The following PCDHGA2 variants were observed in gnomAD, a reference collection of about 807,000 sequenced individuals.
PCDHGA2 encodes the protein protocadherin gamma subfamily A, 2.
PCDHGA2 carries 40 observed loss-of-function variants against 59.2 expected under a neutral mutation model. The observed-to-expected ratio is 0.68, with a 90% CI of 0.52 to 0.88. The LOEUF is 0.88. PCDHGA2 is among the 40% of genes least tolerant of loss of function. The probability of loss-of-function intolerance (pLI) is 0.00; values close to 1 mark genes in which losing one functional copy is unlikely to be tolerated. For missense variants in PCDHGA2, 1,226 were observed against 1,204.0 expected, an observed-to-expected ratio of 1.02 and a Z score of -0.27; for synonymous variants, 560 against 526.0, an observed-to-expected ratio of 1.06 and a Z score of -0.89.
At chr5:141,383,857 C>T (rs1779530315) in intron 1 of PCDHGA2, 2 of 1,613,810 alleles carry the variant, frequency 1.2e-6, no homozygotes, top group Non-Finnish European at 1.7e-6. Context: ...AATGGAGGTT[C>T]AGGCTCAAGA....
chr5:141,508,183 A>G (rs1596134418), intron 3 of PCDHGA2: 1 of 152,336 alleles, frequency 6.6e-6, no homozygotes, highest in African/African-American at 2.4e-5. Context: ...GAGAGAAGGC[A>G]TCACCCCCAC....
At chr5:141,378,354 C>T (rs994186879) in intron 1 of PCDHGA2, 5 of 152,210 alleles carry the variant, frequency 3.3e-5, no homozygotes, top group African/African-American at 1.2e-4. Flanking sequence ...GAAACCCCGT[C>T]TCTACTAAAA....
rs1190624035 is a variant in PCDHGA2, at chr5:141,432,332, T to G, written c.2425-62475T>G. ...GCTGAGCTCCTTCGACTACGAGCAG[T>G]TCCGAGACTTGCAAGTGAAAGTGAT... On this transcript the variant is annotated intron_variant, in intron 1 of 3. Coordinates refer to ENST00000394576, the MANE Select transcript of PCDHGA2 (RefSeq NM_018915.4). The surrounding 1 kb of genome is among the most constrained non-coding windows in gnomAD (Gnocchi z 6.0). The G allele has an allele frequency of 2.5e-6, 4 of 1,614,116 alleles. No homozygotes were observed. In the African/African-American group the frequency reaches 5.3e-5, roughly 22 times the overall value.
intron 1 of PCDHGA2, chr5:141,400,256 G>A (rs756430299): frequency 9.9e-6 from 16 of 1,613,986 alleles, no homozygotes; most frequent in Admixed American, 1.7e-5. Context: ...GTTGCCTTGC[G>A]CCTGCGACGC....
intron 1 of PCDHGA2, chr5:141,393,798 G>C (rs1228076034): frequency 1.2e-6 from 2 of 1,613,876 alleles, no homozygotes; most frequent in Non-Finnish European, 1.7e-6. Flanking sequence ...GGCACTTCTG[G>C]GGAGGACCAA....
At chr5:141,372,234 C>A in intron 1 of PCDHGA2, 1 of 1,613,350 alleles carries the variant, frequency 6.2e-7, no homozygotes. Context: ...GGCCAGCGAG[C>A]CCGGGCTGTT....
chr5:141,370,790 CT>C (rs776090899), intron 1 of PCDHGA2: 1 of 1,614,038 alleles, frequency 6.2e-7, no homozygotes, highest in East Asian at 2.2e-5. Context: ...ACCCACCGAC[CT>C]TTAGCCAAAA....
chr5:141,465,800 C>T (rs1486100601), intron 1 of PCDHGA2, among the ~76,000 whole-genome samples: 1 of 151,524 alleles, frequency 6.6e-6, no homozygotes, highest in African/African-American at 2.4e-5. Flanking sequence ...TTTAAGAAAC[C>T]CTTCAGGATC....
intron 1 of PCDHGA2, chr5:141,423,074 G>T (rs2096705802): frequency 6.2e-7 from 1 of 1,614,006 alleles, no homozygotes; most frequent in African/African-American, 1.3e-5. Flanking sequence ...AGCGAGCCGG[G>T]ACTCTTCGCG....
chr5:141,443,274 A>G (rs1259320198), intron 1 of PCDHGA2, among the ~76,000 whole-genome samples: 12 of 151,534 alleles, frequency 7.9e-5, no homozygotes, highest in African/African-American at 1.7e-4. Context: ...TGAGCCCAGG[A>G]GTTTGAGACC....
At chr5:141,437,205 A>G (rs1561884114) in intron 1 of PCDHGA2, among the ~76,000 whole-genome samples, 1 of 152,202 alleles carries the variant, frequency 6.6e-6, no homozygotes, top group African/African-American at 2.4e-5. Context: ...ATGTGTTTAC[A>G]TTTATTCTGA....
At chr5:141,423,874 A>T (rs1264795133) in intron 1 of PCDHGA2, 2 of 1,283,268 alleles carry the variant, frequency 1.6e-6, no homozygotes, top group African/African-American at 3.1e-5. Flanking sequence ...GTCATTTTTC[A>T]ATCTTGGCAT....
chr5:141,389,196 C>T, intron 1 of PCDHGA2: 1 of 1,614,048 alleles, frequency 6.2e-7, no homozygotes, highest in South Asian at 1.1e-5. Flanking sequence ...CAGCATCACC[C>T]TGCACATTGG....
intron 1 of PCDHGA2, chr5:141,361,613 C>T: frequency 6.2e-7 from 1 of 1,613,960 alleles, no homozygotes; most frequent in Non-Finnish European, 8.5e-7. Context: ...TCCATCGTAG[C>T]GAGCGACCTG....
At chr5:141,415,397 G>T (rs1168654728) in intron 1 of PCDHGA2, 1 of 1,614,124 alleles carries the variant, frequency 6.2e-7, no homozygotes, top group African/African-American at 1.3e-5. Context: ...GGTGTGTCCG[G>T]CTCGCACTTT....
rs201857404 is a variant in PCDHGA2, at chr5:141,485,844, G to C, written c.2425-8963G>C. The C allele has an allele frequency of 1.1e-5, 18 of 1,613,772 alleles. No homozygotes were observed. The highest frequency in any genetic ancestry group is 1.4e-5 in the Non-Finnish European group (16 of 1,179,956). ...GATGGAGGGAACCCGCCGAGATCTG[G>C]CACCGCAGAGCTCCGGGTATCCGTG... is the stretch of plus-strand genomic sequence containing the variant. On this transcript the variant is annotated intron_variant, in intron 1 of 3. Transcript: ENST00000394576. This position sits in a 1 kb window ranked among gnomAD's most constrained non-coding sequence, Gnocchi z 5.7.
intron 1 of PCDHGA2, chr5:141,393,647 A>T: frequency 6.2e-7 from 1 of 1,613,964 alleles, no homozygotes; most frequent in Non-Finnish European, 8.5e-7. Context: ...GAAAAGTGGC[A>T]TACAAATTCC....
intron 1 of PCDHGA2, chr5:141,371,262 C>A (rs368232567): frequency 1.9e-6 from 3 of 1,614,000 alleles, no homozygotes; most frequent in South Asian, 1.1e-5. Context: ...GGAAGTGAGA[C>A]AACTGTTCAA....
intron 1 of PCDHGA2, chr5:141,419,810 C>G (rs368168278): frequency 1.7e-5 from 27 of 1,613,946 alleles, no homozygotes; most frequent in Non-Finnish European, 2.1e-5. Context: ...AGATGGAGGA[C>G]AGCCACCCCT....
Sources: allele counts gnomAD v4.1 joint callset (sites outside exome capture counted in the v4.1 genomes callset), GRCh38; gene constraint gnomAD v4.1.1; non-coding constraint Gnocchi (gnomAD v3.1); transcripts MANE v1.5; gene names NCBI Gene and HGNC (gene_info 2026-07-23, HGNC 2026-07-21).